Variants in ELAVL2 observed in about 807,000 individuals in gnomAD.
ELAVL2 encodes the protein ELAV-like protein 2.
A neutral mutation model predicts 34.6 loss-of-function variants in ELAVL2; 4 were observed. The observed-to-expected ratio is 0.12, with a 90% confidence interval of 0.06 to 0.26. The LOEUF is 0.26. Ranked by LOEUF, ELAVL2 falls within the 10% of genes least tolerant of loss-of-function variation. The pLI is 1.00. For missense variants in ELAVL2, 432 were observed against 442.8 expected, an observed-to-expected ratio of 0.98 and a Z score of 0.22; for synonymous variants, 193 against 154.8, an observed-to-expected ratio of 1.25 and a Z score of -1.83.
the ELAVL2 span, among the ~76,000 whole-genome samples, chr9:23,843,766 A>G: frequency 6.6e-6 from 1 of 151,966 alleles, no homozygotes; most frequent in African/African-American, 2.4e-5. Flanking sequence ...AGTTTACAAG[A>G]TACTTTTTTT....
At chr9:23,782,923 A>G (rs1409982517) in intron 1 of ELAVL2, among the ~76,000 whole-genome samples, 1 of 152,194 alleles carries the variant, frequency 6.6e-6, no homozygotes, top group Non-Finnish European at 1.5e-5. Flanking sequence ...TTTCTTTGAT[A>G]GCCTCTTCTC....
chr9:23,820,942 G>A (rs183446405), intron 1 of ELAVL2, among the ~76,000 whole-genome samples: 6 of 152,204 alleles, frequency 3.9e-5, no homozygotes, highest in African/African-American at 1.2e-4. Context: ...CACCTAACGC[G>A]CACGAGGGGA....
rs375117391 is a variant in ELAVL2, at chr9:23,701,938, T to C, written c.488-334A>G. On this transcript the variant is annotated intron_variant, in intron 4 of 6. Transcript: ENST00000397312. ...CTCCCGTACACTCTTTTAATGTCAA[T>C]AGTGTACCGGAGTTCCATTTTTCAA... is the stretch of plus-strand genomic sequence containing the variant. Among the ~76,000 whole-genome samples the C allele has an allele frequency of 5.9e-5, 9 of 152,234 alleles. 1 individual carries two copies. The highest frequency in any genetic ancestry group is 2.6e-4 in the Admixed American group (4 of 15,282).
At chr9:23,736,530 C>T (rs2047930363) in intron 2 of ELAVL2, among the ~76,000 whole-genome samples, 1 of 152,062 alleles carries the variant, frequency 6.6e-6, no homozygotes, top group South Asian at 2.1e-4. Context: ...TCAGAGCAGG[C>T]CCTATCCTGC....
chr9:23,759,264 C>A (rs1315220824), intron 2 of ELAVL2, among the ~76,000 whole-genome samples: 3 of 151,868 alleles, frequency 2.0e-5, no homozygotes, highest in Non-Finnish European at 2.9e-5. Context: ...TCTGTCATTT[C>A]CAGAAACATG....
intron 1 of ELAVL2, among the ~76,000 whole-genome samples, chr9:23,798,360 T>C (rs2061204838): frequency 6.6e-6 from 1 of 152,218 alleles, no homozygotes; most frequent in Non-Finnish European, 1.5e-5. Flanking sequence ...TGAGTTCTAA[T>C]TCCAGCTCTG....
Position 23,692,699 on chromosome 9 carries a change from G to C in ELAVL2, c.938C>G (p.Thr313Ser), listed in dbSNP as rs772248460. The C allele has an allele frequency of 5.6e-6, 9 of 1,614,158 alleles. No homozygotes were observed. The highest frequency in any genetic ancestry group is 6.8e-6 in the Non-Finnish European group (8 of 1,180,008). The change falls in exon 7 of 7, where the codon ACC becomes AGC. Residue 313 changes from threonine to serine, a missense_variant. Around this residue, in one of 3 missense-constraint regions of ELAVL2, gnomAD observed 295 missense variants for 306.1 expected, o/e 0.96. Transcript: ENST00000397312. ...TNVKVIRDFN[T>S]NKCKGFGFVT... Reference sequence around the variant, plus strand: ...AAATCCAAAACCTTTGCATTTATTGGTGTTAAAGTCACGGATGACCTTCAC... The same window carrying C: ...AAATCCAAAACCTTTGCATTTATTGCTGTTAAAGTCACGGATGACCTTCAC...
At chr9:23,797,224 A>T (rs1234374523) in intron 1 of ELAVL2, among the ~76,000 whole-genome samples, 1 of 152,180 alleles carries the variant, frequency 6.6e-6, no homozygotes, top group Non-Finnish European at 1.5e-5. Context: ...CCAAAAGTGA[A>T]CCTCTATCCT....
chr9:23,806,267 A>T lies in ELAVL2; in HGVS notation c.-16+19539T>A, dbSNP rs991865100. Among the ~76,000 whole-genome samples, 15 of 152,316 alleles carry T rather than the reference A, an allele frequency of 9.8e-5. No homozygotes were observed. In the East Asian group the frequency reaches 2.9e-3, roughly 29 times the overall value. Reference sequence around the variant, plus strand: ...CCGAATACACAATTAAAAGAAAAAAACTTGCATGTAACATTTACCTTCAGC... The same window carrying T: ...CCGAATACACAATTAAAAGAAAAAATCTTGCATGTAACATTTACCTTCAGC... On this transcript the variant is annotated intron_variant, in intron 1 of 6. Transcript: ENST00000397312.
chr9:23,778,269 G>A (rs570370390), intron 1 of ELAVL2, among the ~76,000 whole-genome samples: 124 of 152,298 alleles, frequency 8.1e-4, no homozygotes, highest in Non-Finnish European at 1.4e-3. Context: ...AGCAGATTCT[G>A]TAACTCTCCT....
intron 1 of ELAVL2, among the ~76,000 whole-genome samples, chr9:23,797,869 G>A (rs920510423): frequency 9.2e-5 from 14 of 152,126 alleles, no homozygotes; most frequent in Middle Eastern, 6.8e-3. Flanking sequence ...CGGAGGTTGC[G>A]GTAAGCTGAA....
At chr9:23,756,018 G>T (rs562423542) in intron 2 of ELAVL2, among the ~76,000 whole-genome samples, 24 of 152,198 alleles carry the variant, frequency 1.6e-4, no homozygotes, top group African/African-American at 5.3e-4. Context: ...AAATTTGAAG[G>T]TTCCCATTAG....
intron 5 of ELAVL2, among the ~76,000 whole-genome samples, chr9:23,694,872 G>A (rs1359817828): frequency 4.0e-5 from 6 of 151,520 alleles, no homozygotes; most frequent in East Asian, 1.9e-4. Flanking sequence ...TGTGCGTGGT[G>A]CGTGTGTGTG....
chr9:23,702,990 A>G (rs2037985878), intron 4 of ELAVL2, among the ~76,000 whole-genome samples: 1 of 140,426 alleles, frequency 7.1e-6, no homozygotes, highest in South Asian at 2.5e-4. Flanking sequence ...AACAGCCTCT[A>G]CACAGCTAGA....
At chr9:23,783,709 AAAG>A (rs1406079741) in intron 1 of ELAVL2, among the ~76,000 whole-genome samples, 3 of 152,180 alleles carry the variant, frequency 2.0e-5, no homozygotes, top group Non-Finnish European at 2.9e-5. Flanking sequence ...CTGTCTAAGC[AAAG>A]AAGGGAACAC....
At chr9:23,704,780 A>G in intron 4 of ELAVL2, 138 bp downstream of exon 4, 1 of 1,069,798 alleles carries the variant, frequency 9.3e-7, no homozygotes, top group Non-Finnish European at 1.3e-6. Flanking sequence ...GAACAATTCC[A>G]GCAGAAAATT....
At chr9:23,829,655 T>A (rs2065437372), upstream of ELAVL2, 1 of 152,184 alleles carries the variant, frequency 6.6e-6, no homozygotes, top group Non-Finnish European at 1.5e-5. Flanking sequence ...ACTCTTTTAT[T>A]TATTCTTCCT....
At chr9:23,823,715 A>C (rs887904759) in intron 1 of ELAVL2, among the ~76,000 whole-genome samples, 2 of 152,256 alleles carry the variant, frequency 1.3e-5, no homozygotes, top group African/African-American at 4.8e-5. Context: ...AGGAAGTCTT[A>C]AGGCCCAAAC....
At chr9:23,797,824 T>C (rs1374999875) in intron 1 of ELAVL2, among the ~76,000 whole-genome samples, 2 of 151,804 alleles carry the variant, frequency 1.3e-5, no homozygotes, top group Non-Finnish European at 2.9e-5. Flanking sequence ...GCTACTCGGG[T>C]GGCTGAGGCA....
Sources: allele counts gnomAD v4.1 joint callset (sites outside exome capture counted in the v4.1 genomes callset), GRCh38; gene constraint gnomAD v4.1.1; regional missense constraint gnomAD v4.1.1; transcripts MANE v1.5; gene names NCBI Gene and HGNC (gene_info 2026-07-23, HGNC 2026-07-21).